Variants in SPTLC2 observed in about 807,000 individuals in gnomAD.
SPTLC2 encodes serine palmitoyltransferase 2.
In SPTLC2, 21 loss-of-function variants were observed where a neutral mutation model predicts 62.0. The ratio of observed to expected loss-of-function variants is 0.34; its 90% CI spans 0.24 to 0.49. The LOEUF (loss-of-function observed/expected upper bound fraction) is 0.49, where lower values mean the gene tolerates loss of function less well. Ranked by LOEUF, SPTLC2 falls within the 20% of genes least tolerant of loss-of-function variation. The probability of loss-of-function intolerance (pLI) is 0.99; values close to 1 mark genes in which losing one functional copy is unlikely to be tolerated. For synonymous variants in SPTLC2, 261 were observed against 261.8 expected (o/e 1.00, Z 0.03); for missense variants, 511 against 713.0 (o/e 0.72, Z 3.23).
intron 6 of SPTLC2, among the ~76,000 whole-genome samples, chr14:77,559,009 T>G (rs2079600339): frequency 6.6e-6 from 1 of 152,188 alleles, no homozygotes; most frequent in Non-Finnish European, 1.5e-5. Flanking sequence ...AAAATAATAC[T>G]GGTCAAAATT....
intron 2 of SPTLC2, among the ~76,000 whole-genome samples, chr14:77,595,243 T>C (rs1389112904): frequency 6.6e-6 from 1 of 152,028 alleles, no homozygotes; most frequent in African/African-American, 2.4e-5. Flanking sequence ...CACATGCCTG[T>C]ACTCCCTGCT....
chr14:77,603,109 A>C (rs2079886990), intron 1 of SPTLC2, among the ~76,000 whole-genome samples: 1 of 152,244 alleles, frequency 6.6e-6, no homozygotes, highest in African/African-American at 2.4e-5. Context: ...TAATCCAATA[A>C]CAGTGAAGTA....
rs1331240825 is a variant in SPTLC2, at chr14:77,509,475, A to C, written c.*2809T>G. On this transcript the variant is annotated 3_prime_UTR_variant, in exon 12 of 12. Transcript: ENST00000216484. ...GCTGAATAAAAAGAGGAATGAGAAA[A>C]AGTGCTAAGGACTAGTCACACCTCT... is the stretch of plus-strand genomic sequence containing the variant. 6.1e-6 allele frequency: 1 copy of C among 162,786 alleles called. No homozygotes were observed. Among genetic ancestry groups the C allele is most frequent in the Non-Finnish European group, 1.3e-5 (1 of 75,322 alleles). 10.1% of individuals were successfully genotyped at this position (162,786 alleles called of 1,614,324 possible).
At chr14:77,592,319 G>C (rs1240760371) in intron 2 of SPTLC2, among the ~76,000 whole-genome samples, 1 of 151,738 alleles carries the variant, frequency 6.6e-6, no homozygotes, top group African/African-American at 2.4e-5. Context: ...ATTTTTAGTA[G>C]AGATGGGGTT....
intron 4 of SPTLC2, among the ~76,000 whole-genome samples, chr14:77,571,661 T>A (rs1178710845): frequency 1.3e-5 from 2 of 152,230 alleles, no homozygotes; most frequent in African/African-American, 2.4e-5. Context: ...GGATGCCATG[T>A]GTCCTTAAGG....
Position 77,535,657 on chromosome 14 carries a change from T to C in SPTLC2, c.1304-14076A>G, listed in dbSNP as rs75642297. On this transcript the variant is annotated intron_variant, in intron 9 of 11. Coordinates refer to ENST00000216484, the MANE Select transcript of SPTLC2 (RefSeq NM_004863.4). ...CTGCATATGAGGTATGAGACCAACATGGACCAGACTGCTTAGAAAAGGGGT... is the reference window on the plus strand; with the variant it reads ...CTGCATATGAGGTATGAGACCAACACGGACCAGACTGCTTAGAAAAGGGGT... 1,677 of 206,662 alleles carry C rather than the reference T, an allele frequency of 8.1e-3. 35 individuals are homozygous for C. Among genetic ancestry groups the C allele is most frequent in the African/African-American group, 0.038 (1,582 of 42,044 alleles). 12.8% of individuals were successfully genotyped at this position (206,662 alleles called of 1,614,324 possible).
intron 8 of SPTLC2, among the ~76,000 whole-genome samples, chr14:77,553,514 G>A (rs556985877): frequency 5.8e-4 from 88 of 151,922 alleles, no homozygotes; most frequent in Non-Finnish European, 1.1e-3. Flanking sequence ...GGCAGATCAC[G>A]AGGTCAAGAG....
intron 9 of SPTLC2, among the ~76,000 whole-genome samples, chr14:77,537,623 T>C (rs1445447684): frequency 6.6e-6 from 1 of 152,180 alleles, no homozygotes; most frequent in Non-Finnish European, 1.5e-5. Context: ...TCTAATACAT[T>C]AATAAATATC....
At chr14:77,513,070 G>A (rs184311339) in intron 11 of SPTLC2, among the ~76,000 whole-genome samples, 99 of 103,242 alleles carry the variant, frequency 9.6e-4, no homozygotes, top group African/African-American at 3.1e-3. Flanking sequence ...TTATTACCCA[G>A]GCTGGAGTAC....
At chr14:77,559,692 C>T (rs576697575) in intron 6 of SPTLC2, among the ~76,000 whole-genome samples, 3 of 152,238 alleles carry the variant, frequency 2.0e-5, no homozygotes, top group African/African-American at 7.2e-5. Context: ...GAGTTCAAGA[C>T]CAACCTGGGC....
intron 9 of SPTLC2, among the ~76,000 whole-genome samples, chr14:77,532,004 T>C (rs1336047381): frequency 6.6e-6 from 1 of 152,194 alleles, no homozygotes; most frequent in Admixed American, 6.5e-5. Context: ...CATCTCTCTA[T>C]TGATGATTTT....
chr14:77,574,692 A>G (rs923045840), intron 4 of SPTLC2, among the ~76,000 whole-genome samples: 1 of 152,230 alleles, frequency 6.6e-6, no homozygotes, highest in Non-Finnish European at 1.5e-5. Context: ...GTTACAGGCT[A>G]CAACATGGAT....
At chr14:77,598,822 A>C (rs1265725351) in intron 1 of SPTLC2, among the ~76,000 whole-genome samples, 1 of 152,012 alleles carries the variant, frequency 6.6e-6, no homozygotes, top group Admixed American at 6.6e-5. Context: ...CTGTAGTCCC[A>C]GGTCCTCAGG....
At chr14:77,596,393 C>T (rs188405090) in intron 2 of SPTLC2, among the ~76,000 whole-genome samples, 4 of 151,184 alleles carry the variant, frequency 2.6e-5, no homozygotes, top group African/African-American at 9.7e-5. Context: ...GTCCCAGCTA[C>T]TTGGGAGGCT....
chr14:77,564,081 A>G (rs953545310), intron 5 of SPTLC2, among the ~76,000 whole-genome samples: 11 of 151,788 alleles, frequency 7.2e-5, no homozygotes, highest in African/African-American at 2.7e-4. Flanking sequence ...GCAAAACCCC[A>G]TCTCTACTAA....
At position 77,585,028 on chromosome 14, in the gene SPTLC2, G is replaced by A. The variant is rs534756111; in HGVS notation, c.328-5919C>T. 1.6e-4 allele frequency among the ~76,000 whole-genome samples: 25 copies of A among 152,338 alleles called. No homozygotes were observed. The South Asian group carries it at 4.8e-3, about 29-fold the overall frequency. On this transcript the variant is annotated intron_variant, in intron 2 of 11. Coordinates refer to ENST00000216484, the MANE Select transcript of SPTLC2 (RefSeq NM_004863.4). ...ACTGCCTATTCACCAGCCTCTGGCA[G>A]TGCGACAGTTGTGATGCCAGCACTC...
intron 2 of SPTLC2, among the ~76,000 whole-genome samples, chr14:77,584,849 C>A (rs1211699467): frequency 2.0e-5 from 3 of 152,184 alleles, no homozygotes; most frequent in African/African-American, 7.2e-5. Flanking sequence ...ATTTCCTGGA[C>A]ACCCTTGTGA....
intron 1 of SPTLC2, among the ~76,000 whole-genome samples, chr14:77,600,488 T>C (rs2079871180): frequency 1.3e-5 from 2 of 152,338 alleles, no homozygotes; most frequent in Middle Eastern, 3.4e-3. Flanking sequence ...TTTCACATGA[T>C]TCAAACAATA....
chr14:77,551,687 T>G (rs539133473), intron 9 of SPTLC2, among the ~76,000 whole-genome samples: 3 of 152,192 alleles, frequency 2.0e-5, no homozygotes, highest in Admixed American at 6.5e-5. Flanking sequence ...TATATGAAAG[T>G]AGAAACTCTT....
Sources: allele counts gnomAD v4.1 joint callset (sites outside exome capture counted in the v4.1 genomes callset), GRCh38; gene constraint gnomAD v4.1.1; transcripts MANE v1.5; gene names NCBI Gene and HGNC (gene_info 2026-07-23, HGNC 2026-07-21).